Variants in VASH2 observed in about 807,000 individuals in gnomAD.
VASH2 encodes tubulinyl-Tyr carboxypeptidase 2.
Under a neutral mutation model 37.2 loss-of-function variants are expected in VASH2, and 28 were observed. The observed-to-expected ratio is 0.75, with a 90% CI of 0.56 to 1.03. The LOEUF (loss-of-function observed/expected upper bound fraction) is 1.03. Ranked by LOEUF, VASH2 falls within the 50% of genes least tolerant of loss-of-function variation. The probability of loss-of-function intolerance (pLI) is 0.00; values close to 1 mark genes in which losing one functional copy is unlikely to be tolerated. For missense variants in VASH2, 419 were observed against 459.1 expected, an observed-to-expected ratio of 0.91 and a Z score of 0.80; for synonymous variants, 188 against 174.7, an observed-to-expected ratio of 1.08 and a Z score of -0.60.
chr1:212,971,700 T>C lies in VASH2; in HGVS notation c.498-880T>C, dbSNP rs959592525. ...TTCTAGAGAGTGGAGGCATCCGTGA[T>C]TAAACCGAGAGCAGAGGACAAGGCT... is the stretch of plus-strand genomic sequence containing the variant. On this transcript the variant is annotated intron_variant, in intron 5 of 7. Transcript: ENST00000517399. This position sits in a 1 kb window ranked among gnomAD's most constrained non-coding sequence, Gnocchi z 4.0. Among the ~76,000 whole-genome samples the C allele has an allele frequency of 1.3e-5, 2 of 152,146 alleles. No individual in the cohort carries two copies. The highest frequency in any genetic ancestry group is 4.8e-5 in the African/African-American group (2 of 41,442).
In VASH2 at chr1:212,971,080, AT is replaced by A. The variant is rs1371980512; in HGVS notation, c.498-1497del. 3.9e-5 allele frequency among the ~76,000 whole-genome samples: 6 copies of A among 152,082 alleles called. No homozygotes were observed. The highest frequency in any genetic ancestry group is 8.8e-5 in the Non-Finnish European group (6 of 68,018). ...ATATTTGTCCTTTTGTATTAGGCTG[AT>A]TTCACTCAGCATGTCTTCAAGGCTC... On this transcript the variant is annotated intron_variant, in intron 5 of 7. Coordinates refer to ENST00000517399, the MANE Select transcript of VASH2 (RefSeq NM_001301056.2). The surrounding 1 kb of genome is among the most constrained non-coding windows in gnomAD (Gnocchi z 4.0).
rs769151771 is a variant in VASH2 at position 212,972,584 on chromosome 1, T to C, written c.502T>C (p.Leu168=). ...CLEAVILGIY[L]TNGQPSIERF... ...CCTTGACTCAGATTGTCTAAGCTAC[T>C]TAACCAATGGGCAGCCTTCCATTGA... The change falls in exon 6 of 8, where the codon TTA becomes CTA. Residue 168 remains leucine (L), a synonymous_variant. Transcript: ENST00000517399. The C allele has an allele frequency of 6.2e-7, 1 of 1,612,818 alleles. No individual in the cohort carries two copies. Among genetic ancestry groups the C allele is most frequent in the Non-Finnish European group, 8.5e-7 (1 of 1,179,770 alleles).
At chr1:212,952,644 G>A (rs1242812131) in intron 2 of VASH2, 2 of 152,230 alleles carry the variant, frequency 1.3e-5, no homozygotes, top group Non-Finnish European at 2.9e-5. Flanking sequence ...GAGTAGATAC[G>A]TTATATGAAA....
chr1:212,981,084 G>T (rs889080269), intron 7 of VASH2, among the ~76,000 whole-genome samples: 1 of 152,180 alleles, frequency 6.6e-6, no homozygotes, highest in Non-Finnish European at 1.5e-5. Context: ...AGGTTTCCTA[G>T]AGCTGAGGGG....
At chr1:212,987,704 T>TC (rs2102666456) in intron 7 of VASH2, among the ~76,000 whole-genome samples, 1 of 152,382 alleles carries the variant, frequency 6.6e-6, no homozygotes, top group South Asian at 2.1e-4. Context: ...TAAACTTGAT[T>TC]CATGATCTCA....
At chr1:212,983,438 G>A (rs1399622688) in intron 7 of VASH2, among the ~76,000 whole-genome samples, 2 of 152,224 alleles carry the variant, frequency 1.3e-5, no homozygotes, top group African/African-American at 4.8e-5. Flanking sequence ...AAGCACAAGT[G>A]TGCAAAGGGG....
intron 3 of VASH2, among the ~76,000 whole-genome samples, chr1:212,964,045 C>CT (rs1666760901): frequency 6.6e-6 from 1 of 152,162 alleles, no homozygotes; most frequent in Non-Finnish European, 1.5e-5. Context: ...AGTTGTTGTT[C>CT]TTAATGCCCA....
At chr1:212,952,497 T>C (rs1666346656) in intron 2 of VASH2, 1 of 152,230 alleles carries the variant, frequency 6.6e-6, no homozygotes, top group African/African-American at 2.4e-5. Context: ...CCAGTACACA[T>C]GATGAATTAG....
At chr1:212,983,185 C>T (rs1417475744) in intron 7 of VASH2, among the ~76,000 whole-genome samples, 2 of 152,206 alleles carry the variant, frequency 1.3e-5, no homozygotes, top group African/African-American at 4.8e-5. Flanking sequence ...TTCACAGTCT[C>T]TGAGGCAGGT....
At chr1:212,966,097 C>T (rs1466893904) in intron 4 of VASH2, 174 bp from the exon 5 acceptor site, 1 of 631,602 alleles carries the variant, frequency 1.6e-6, no homozygotes, top group Non-Finnish European at 2.8e-6. Context: ...CTGGCACTAA[C>T]TCCAGGAATT....
chr1:212,957,782 T>C (rs1157276320), intron 2 of VASH2, among the ~76,000 whole-genome samples: 1 of 152,122 alleles, frequency 6.6e-6, no homozygotes, highest in Non-Finnish European at 1.5e-5. Context: ...AGCTGATTTT[T>C]GTATTTTTAG....
In VASH2 at chr1:212,989,279, A is replaced by C. The variant is rs796748295; in HGVS notation, c.*695A>C. The C allele has an allele frequency of 1.9e-4, 29 of 152,458 alleles. No homozygotes were observed. The highest frequency in any genetic ancestry group is 6.7e-4 in the African/African-American group (28 of 41,592). 9.4% of individuals were successfully genotyped at this position (152,458 alleles called of 1,614,324 possible). ...TTACTTCCTTCTTAATCTTTCTTAA[A>C]GCATTCACTGATGTTTTTGTTTTTT... is the stretch of plus-strand genomic sequence containing the variant. On this transcript the variant is annotated 3_prime_UTR_variant, in exon 8 of 8. Transcript: ENST00000517399.
chr1:212,986,132 G>A (rs1667469647), intron 7 of VASH2, among the ~76,000 whole-genome samples: 1 of 152,142 alleles, frequency 6.6e-6, no homozygotes, highest in Admixed American at 6.5e-5. Context: ...TACAAAACCA[G>A]GAAAGGTAGT....
At chr1:212,970,701 C>G (rs1391777486) in intron 5 of VASH2, among the ~76,000 whole-genome samples, 2 of 152,082 alleles carry the variant, frequency 1.3e-5, no homozygotes, top group Non-Finnish European at 2.9e-5. Context: ...ACCAGCCTGA[C>G]CAACATTGTG....
intron 3 of VASH2, among the ~76,000 whole-genome samples, chr1:212,964,267 C>T (rs1162464789): frequency 1.3e-5 from 2 of 152,198 alleles, no homozygotes; most frequent in Non-Finnish European, 2.9e-5. Context: ...TGACCAAGCA[C>T]AGCTGTGCCA....
At chr1:212,969,069 T>G in intron 5 of VASH2, 1 of 985,464 alleles carries the variant, frequency 1.0e-6, no homozygotes, top group Non-Finnish European at 1.2e-6. Flanking sequence ...GTGGTTTTCC[T>G]TTGTTCTTAT....
chr1:212,952,233 C>G (rs1032697311), intron 2 of VASH2, among the ~76,000 whole-genome samples: 1 of 152,226 alleles, frequency 6.6e-6, no homozygotes, highest in African/African-American at 2.4e-5. Flanking sequence ...CCTCTGCTCC[C>G]CTCTTCCCCC....
Position 212,991,552 on chromosome 1 carries a change from A to C in VASH2, c.*2968A>C, listed in dbSNP as rs1171704924. 1.3e-5 allele frequency: 2 copies of C among 152,254 alleles called. No homozygotes were observed. The highest frequency in any genetic ancestry group is 4.8e-5 in the African/African-American group (2 of 41,466). The allele number at this position is 152,254 out of a possible 1,614,324, so 9.4% of individuals were successfully genotyped here. On this transcript the variant is annotated 3_prime_UTR_variant, in exon 8 of 8. Coordinates refer to ENST00000517399, the MANE Select transcript of VASH2 (RefSeq NM_001301056.2). ...ATCACTTGTATGTTTCTAACACAGCATGGGACTTTAATAAAACCATCCTGG... is the reference window on the plus strand; with the variant it reads ...ATCACTTGTATGTTTCTAACACAGCCTGGGACTTTAATAAAACCATCCTGG...
In VASH2 at chr1:212,989,429, G is replaced by C. The variant is rs2102669256; in HGVS notation, c.*845G>C. 1 of 152,284 alleles carries C rather than the reference G, an allele frequency of 6.6e-6. No individual in the cohort carries two copies. The highest frequency in any genetic ancestry group is 3.4e-3 in the Middle Eastern group (1 of 294). 9.4% of individuals were successfully genotyped at this position (152,284 alleles called of 1,614,324 possible). On this transcript the variant is annotated 3_prime_UTR_variant, in exon 8 of 8. Coordinates refer to ENST00000517399, the MANE Select transcript of VASH2 (RefSeq NM_001301056.2). ...CTATTATACAAATTTAGCGGTACTG[G>C]ATTTACCTCTGACATTAACACACTC...
Sources: gnomAD v4.1 joint callset for allele counts (sites outside exome capture counted in the v4.1 genomes callset) on GRCh38, gnomAD v4.1.1 for gene constraint, Gnocchi (gnomAD v3.1) non-coding constraint, MANE v1.5 for transcripts, NCBI Gene and HGNC (gene_info 2026-07-23, HGNC 2026-07-21) for gene names.